ZNF799: variants seen among roughly 807,000 people sequenced by gnomAD.
ZNF799 encodes the protein zinc finger protein 14.
In ZNF799, 28 loss-of-function variants were observed where a neutral mutation model predicts 41.0. That is an observed-to-expected ratio of 0.68 (90% CI 0.51 to 0.94). ZNF799 has a LOEUF of 0.94. ZNF799 is among the 40% of genes least tolerant of loss of function. The pLI, the probability that ZNF799 is intolerant of heterozygous loss-of-function variation, is 0.00. For synonymous variants in ZNF799, 213 were observed against 252.9 expected (o/e 0.84, Z 1.50); for missense variants, 716 against 764.3 (o/e 0.94, Z 0.74).
Position 12,391,519 on chromosome 19 carries a change from G to A in ZNF799, c.879C>T (p.Ser293=), listed in dbSNP as rs761124363. 2 of 1,614,028 alleles carry A rather than the reference G, an allele frequency of 1.2e-6. No homozygotes were observed. ...TTGTTTCGTGTCTTCGAAGGGAAGT[G>A]GAAGCACTGAAGGCTTTCCCACATT... The part of the protein sequence containing the change: ...CKQCGKAFSA[S]TSLRRHETTH... Residue 293 remains serine (S), a synonymous_variant, in exon 4 of 4, where the codon TCC becomes TCT. Coordinates refer to ENST00000430385, the MANE Select transcript of ZNF799 (RefSeq NM_001080821.3).
rs200836165 is a variant in ZNF799, at chr19:12,391,168, C to T, written c.1230G>A (p.Arg410=). 1.1e-5 allele frequency: 17 copies of T among 1,614,068 alleles called. No homozygotes were observed. The highest frequency in any genetic ancestry group is 1.4e-5 in the Non-Finnish European group (17 of 1,179,982). The change falls in exon 4 of 4, where the codon AGG becomes AGA. Residue 410 remains arginine (R), a synonymous_variant. Transcript: ENST00000430385. ...TCTCTGCAGTGTGAGTCTTTTCATG[C>T]CTTTGAAATACACTGGGATAAACAA... ...KAFVYPSVFQ[R]HEKTHTAEKP...
At chr19:12,405,604 A>G (rs1196888325), upstream of ZNF799, among the ~76,000 whole-genome samples, 1 of 152,198 alleles carries the variant, frequency 6.6e-6, no homozygotes, top group Non-Finnish European at 1.5e-5. Flanking sequence ...AGCTTCTAAC[A>G]TTCCAGAAAT....
intron 1 of ZNF799, among the ~76,000 whole-genome samples, chr19:12,396,063 CAGTG>C: frequency 6.6e-6 from 1 of 152,228 alleles, no homozygotes; most frequent in Admixed American, 6.5e-5. Context: ...AAACAGAAAA[CAGTG>C]AGGAAAGAAG....
At chr19:12,410,902 A>T in the ZNF799 span, among the ~76,000 whole-genome samples, 1 of 152,204 alleles carries the variant, frequency 6.6e-6, no homozygotes, top group Non-Finnish European at 1.5e-5. Context: ...AACGGGCATA[A>T]TCTATTTAAA....
chr19:12,405,219 T>A (rs1416076793), upstream of ZNF799, among the ~76,000 whole-genome samples: 1 of 148,222 alleles, frequency 6.7e-6, no homozygotes, highest in East Asian at 2.0e-4. Flanking sequence ...AAACTCCCAT[T>A]TATATATATA....
chr19:12,400,990 C>T, intron 1 of ZNF799, 78 bp downstream of exon 1: 2 of 1,612,936 alleles, frequency 1.2e-6, no homozygotes, highest in Non-Finnish European at 1.7e-6. Flanking sequence ...TGGGGAGGCC[C>T]GGGTCCAGCC....
intron 1 of ZNF799, chr19:12,394,619 C>T (rs2144894770): frequency 1.0e-6 from 1 of 985,204 alleles, no homozygotes; most frequent in Non-Finnish European, 1.2e-6. Context: ...TACACCACCT[C>T]AAAGGAAAAA....
intron 1 of ZNF799, 160 bp from the exon 2 acceptor site, chr19:12,393,583 A>G (rs1412139860): frequency 2.1e-6 from 3 of 1,438,300 alleles, no homozygotes; most frequent in Admixed American, 2.9e-5. Context: ...ACTTTCTCCT[A>G]CACAGTAACT....
intron 1 of ZNF799, among the ~76,000 whole-genome samples, chr19:12,397,262 T>C (rs1969909218): frequency 6.6e-6 from 1 of 151,970 alleles, no homozygotes; most frequent in Non-Finnish European, 1.5e-5. Flanking sequence ...TAATAAAATG[T>C]TAAGAAACAA....
the ZNF799 span, among the ~76,000 whole-genome samples, chr19:12,410,208 TAC>T: frequency 2.0e-5 from 3 of 146,352 alleles, no homozygotes; most frequent in Non-Finnish European, 4.5e-5. Flanking sequence ...CATATACACA[TAC>T]ATATATATAC....
intron 1 of ZNF799, chr19:12,393,786 A>G (rs1969858853): frequency 2.7e-6 from 3 of 1,099,496 alleles, no homozygotes; most frequent in Non-Finnish European, 3.4e-6. Flanking sequence ...AGCAGTGCTG[A>G]GACTGTGTGT....
At chr19:12,394,887 T>A (rs1599606942) in intron 1 of ZNF799, 8 of 984,102 alleles carry the variant, frequency 8.1e-6, no homozygotes, top group Non-Finnish European at 8.4e-6. Context: ...TGGCACCCCG[T>A]ACTATTAACA....
Position 12,395,719 on chromosome 19 carries a change from C to T in ZNF799, c.4-2296G>A, listed in dbSNP as rs191067802. ...AAGAACACATTTTCACAAAAGACAC[C>T]GGAGAAGAAACCCTCATTTTCACTT... On this transcript the variant is annotated intron_variant, in intron 1 of 3. Coordinates refer to ENST00000430385, the MANE Select transcript of ZNF799 (RefSeq NM_001080821.3). Among the ~76,000 whole-genome samples, 234 of 151,864 alleles carry T rather than the reference C, an allele frequency of 1.5e-3. 3 individuals carry two copies. Among genetic ancestry groups the T allele is most frequent in the Admixed American group, 0.014 (216 of 15,274 alleles).
the ZNF799 span, among the ~76,000 whole-genome samples, chr19:12,411,281 G>T: frequency 6.6e-6 from 1 of 152,118 alleles, no homozygotes; most frequent in Admixed American, 6.6e-5. Context: ...ATAGCTTGAG[G>T]TGACCACACA....
intron 3 of ZNF799, 136 bp downstream of exon 3, chr19:12,392,467 T>C (rs1412073312): frequency 1.2e-6 from 1 of 846,800 alleles, no homozygotes; most frequent in Non-Finnish European, 1.9e-6. Context: ...CATTTAAGTA[T>C]ATATTTTGGA....
At chr19:12,406,055 C>T (rs1192026577), upstream of ZNF799, among the ~76,000 whole-genome samples, 2 of 150,742 alleles carry the variant, frequency 1.3e-5, no homozygotes, top group Admixed American at 6.6e-5. Flanking sequence ...CGCCTGTATA[C>T]CCAGCTACTC....
intron 1 of ZNF799, among the ~76,000 whole-genome samples, chr19:12,397,400 TAA>T (rs112413283): frequency 1.1e-4 from 15 of 134,236 alleles, no homozygotes; most frequent in Non-Finnish European, 1.3e-4. Context: ...AGGAAACGTG[TAA>T]AAAAAAAAAA....
intron 1 of ZNF799, among the ~76,000 whole-genome samples, chr19:12,399,016 TTCCAACTTTG>T (rs1857456385): frequency 6.6e-6 from 1 of 152,226 alleles, no homozygotes; most frequent in African/African-American, 2.4e-5. Flanking sequence ...GTCCAACTCT[TTCCAACTTTG>T]GGTATACTTT....
upstream of ZNF799, among the ~76,000 whole-genome samples, chr19:12,405,943 G>T (rs778224862): frequency 6.6e-6 from 1 of 151,968 alleles, no homozygotes; most frequent in Non-Finnish European, 1.5e-5. Flanking sequence ...GGGAGGCCGA[G>T]GGGGGCAGAT....
Sources: gnomAD v4.1 joint callset for allele counts (sites outside exome capture counted in the v4.1 genomes callset) on GRCh38, gnomAD v4.1.1 for gene constraint, MANE v1.5 for transcripts, NCBI Gene and HGNC (gene_info 2026-07-23, HGNC 2026-07-21) for gene names.